RNF2: variants seen among roughly 807,000 people sequenced by gnomAD.
The protein encoded by RNF2 is ring finger protein 2.
RNF2 carries 6 observed loss-of-function variants against 37.2 expected under a neutral mutation model. The observed-to-expected ratio is 0.16, with a 90% confidence interval of 0.09 to 0.32. The LOEUF is 0.32. Ranked by LOEUF, RNF2 falls within the 10% of genes least tolerant of loss-of-function variation. The pLI is 1.00. For synonymous variants in RNF2, 133 were observed against 132.7 expected, an observed-to-expected ratio of 1.00 and a Z score of -0.02; for missense variants, 251 against 404.0, an observed-to-expected ratio of 0.62 and a Z score of 3.25.
chr1:185,078,596 A>G (rs1651245533), intron 1 of RNF2, among the ~76,000 whole-genome samples: 1 of 152,152 alleles, frequency 6.6e-6, no homozygotes, highest in Non-Finnish European at 1.5e-5. Flanking sequence ...TCATATGAAT[A>G]TGAAGGTGGC....
chr1:185,090,505 G>A (rs1651736591), intron 2 of RNF2, among the ~76,000 whole-genome samples: 2 of 152,100 alleles, frequency 1.3e-5, no homozygotes, highest in South Asian at 4.1e-4. Context: ...ATATAGAGAG[G>A]CTGAAATCTA....
intron 1 of RNF2, among the ~76,000 whole-genome samples, chr1:185,069,584 C>G (rs936295380): frequency 8.6e-5 from 13 of 152,028 alleles, no homozygotes; most frequent in Admixed American, 7.9e-4. Flanking sequence ...TATTGAGAGT[C>G]TGACCAAAGA....
intron 2 of RNF2, among the ~76,000 whole-genome samples, chr1:185,087,905 G>A (rs1037984265): frequency 6.6e-6 from 1 of 152,154 alleles, no homozygotes; most frequent in Non-Finnish European, 1.5e-5. Context: ...CATTGAAAAA[G>A]TACATATCTA....
chr1:185,048,741 T>C (rs1650185412), intron 1 of RNF2, among the ~76,000 whole-genome samples: 1 of 152,034 alleles, frequency 6.6e-6, no homozygotes, highest in African/African-American at 2.4e-5. Flanking sequence ...CTAAAGTCGA[T>C]GCATAGAATG....
intron 1 of RNF2, among the ~76,000 whole-genome samples, chr1:185,057,798 T>C (rs1650477445): frequency 1.4e-5 from 2 of 142,464 alleles, no homozygotes; most frequent in African/African-American, 5.4e-5. Context: ...AAAATTACTC[T>C]AAAGGGGAAA....
In RNF2 at chr1:185,062,810, TC is replaced by T. The variant is rs556635205; in HGVS notation, c.-3+17171del. The stretch of plus-strand genomic sequence containing the variant: ...AATGGATATAAATAATTGGTAGACC[TC>T]CCCCCCCCCAAAAAAAGGCCAATAA... On this transcript the variant is annotated intron_variant, in intron 1 of 6. Transcript: ENST00000367510. 1.4e-3 allele frequency among the ~76,000 whole-genome samples: 190 copies of T among 134,260 alleles called. No individual in the cohort carries two copies. In the Middle Eastern group the frequency reaches 0.023, roughly 16 times the overall value. 88.1% of individuals were successfully genotyped at this position (134,260 alleles called of 152,430 possible). A position where few individuals can be genotyped will look rare whatever the true frequency, so the allele number is the denominator to read the frequency against.
chr1:185,069,972 C>T (rs944177931), intron 1 of RNF2, among the ~76,000 whole-genome samples: 5 of 152,120 alleles, frequency 3.3e-5, no homozygotes, highest in Non-Finnish European at 5.9e-5. Flanking sequence ...GCACATTAAC[C>T]AAAGATTTTA....
chr1:185,066,552 C>G (rs1484917067), intron 1 of RNF2, among the ~76,000 whole-genome samples: 1 of 152,194 alleles, frequency 6.6e-6, no homozygotes, highest in Non-Finnish European at 1.5e-5. Context: ...ATATTGAAAA[C>G]ATGTTCAAGG....
intron 1 of RNF2, among the ~76,000 whole-genome samples, chr1:185,071,192 A>G (rs376030738): frequency 2.2e-4 from 34 of 152,316 alleles, no homozygotes; most frequent in South Asian, 1.2e-3. Context: ...GGAAAAAGTC[A>G]GTTACGCATT....
At chr1:185,076,058 T>G (rs1332198694) in intron 1 of RNF2, among the ~76,000 whole-genome samples, 3 of 152,028 alleles carry the variant, frequency 2.0e-5, no homozygotes, top group African/African-American at 7.2e-5. Context: ...TCAGTATATA[T>G]TATCGTTATT....
chr1:185,074,681 G>GA (rs1216378615), intron 1 of RNF2, among the ~76,000 whole-genome samples: 3 of 151,654 alleles, frequency 2.0e-5, no homozygotes, highest in Non-Finnish European at 4.4e-5. Context: ...AAATATTAGG[G>GA]AAAAAAAATG....
At chr1:185,078,472 C>G (rs564215876) in intron 1 of RNF2, among the ~76,000 whole-genome samples, 1 of 152,242 alleles carries the variant, frequency 6.6e-6, no homozygotes, top group African/African-American at 2.4e-5. Flanking sequence ...TCCTTGGTTT[C>G]CCTATCTTAC....
At chr1:185,048,806 G>GA (rs1297574035) in intron 1 of RNF2, among the ~76,000 whole-genome samples, 1 of 152,070 alleles carries the variant, frequency 6.6e-6, no homozygotes, top group Non-Finnish European at 1.5e-5. Context: ...CAGGAAGGCA[G>GA]AACAACATAC....
intron 1 of RNF2, among the ~76,000 whole-genome samples, chr1:185,052,076 A>AC (rs1302461073): frequency 1.3e-5 from 2 of 151,784 alleles, no homozygotes; most frequent in East Asian, 3.9e-4. Flanking sequence ...CACCTGTGAC[A>AC]CCCCCCATTA....
At chr1:185,089,031 T>A (rs1436389348) in intron 2 of RNF2, among the ~76,000 whole-genome samples, 2 of 140,414 alleles carry the variant, frequency 1.4e-5, no homozygotes, top group African/African-American at 5.4e-5. Context: ...TCATGGATGA[T>A]AGTGTTTCCA....
chr1:185,098,115 G>A lies in RNF2; in HGVS notation c.508G>A (p.Ala170Thr). Residue 170 changes from alanine to threonine, a missense_variant, in exon 5 of 7, where the codon GCA becomes ACA. Physicochemically the swap from Ala to Thr is moderately conservative, Grantham distance 58. Around this residue, in one of 7 missense-constraint regions of RNF2, gnomAD observed 94 missense variants for 99.2 expected, o/e 0.95. Coordinates refer to ENST00000367510, the MANE Select transcript of RNF2 (RefSeq NM_007212.4). ...KKQQIENGSG[A>T]EDNGDSSHCS... ...ACAACAGATTGAAAATGGTAGTGGA[G>A]CAGAAGATAATGGTGACAGTTCACA... 6.2e-7 allele frequency: 1 copy of A among 1,614,212 alleles called. No individual in the cohort carries two copies. Among genetic ancestry groups the A allele is most frequent in the Non-Finnish European group, 8.5e-7 (1 of 1,180,038 alleles).
At chr1:185,047,639 G>C (rs969544205) in intron 1 of RNF2, among the ~76,000 whole-genome samples, 3 of 152,204 alleles carry the variant, frequency 2.0e-5, no homozygotes. Context: ...CTTCCAGCAA[G>C]AGAAATGAGT....
intron 1 of RNF2, among the ~76,000 whole-genome samples, chr1:185,082,363 T>G (rs1474802102): frequency 1.4e-5 from 2 of 142,468 alleles, no homozygotes; most frequent in African/African-American, 5.1e-5. Flanking sequence ...TTTTTTTTTT[T>G]TTTTGAAGAC....
Position 185,099,925 on chromosome 1 carries a change from A to G in RNF2, c.872A>G (p.Tyr291Cys). The G allele has an allele frequency of 6.2e-7, 1 of 1,613,412 alleles. No individual in the cohort carries two copies. ...MNLDTASEKQ[Y>C]TIYIATASGQ... is the part of the protein sequence containing the mutation. Reference sequence around the variant, plus strand: ...CTTGATACAGCCAGTGAGAAGCAGTATACCATTTATATAGCAACAGCCAGT... The same window carrying G: ...CTTGATACAGCCAGTGAGAAGCAGTGTACCATTTATATAGCAACAGCCAGT... Residue 291 changes from tyrosine to cysteine, a missense_variant, in exon 6 of 7, where the codon TAT (tyrosine) becomes TGT (cysteine). Tyr to Cys is a radical substitution (Grantham distance 194). This residue lies in a region of RNF2 where 59 missense variants were observed against 69.1 expected (regional missense o/e 0.85). Transcript: ENST00000367510.
Sources: gnomAD v4.1 joint callset for allele counts (sites outside exome capture counted in the v4.1 genomes callset) on GRCh38, gnomAD v4.1.1 for gene constraint, gnomAD v4.1.1 regional missense constraint, MANE v1.5 for transcripts, NCBI Gene and HGNC (gene_info 2026-07-23, HGNC 2026-07-21) for gene names.